COPB2: variants seen among roughly 807,000 people sequenced by gnomAD.
COPB2 encodes the protein coat protein complex I subunit beta 2, also known as coatomer subunit beta'.
In COPB2, 16 loss-of-function variants were observed where a neutral mutation model predicts 120.8. The observed-to-expected ratio is 0.13, with a 90% CI of 0.09 to 0.20. The LOEUF (loss-of-function observed/expected upper bound fraction) is 0.20. Ranked by LOEUF, COPB2 falls within the 10% of genes least tolerant of loss-of-function variation. COPB2 has a pLI of 1.00. For synonymous variants in COPB2, 332 were observed against 366.3 expected, an observed-to-expected ratio of 0.91 and a Z score of 1.07; for missense variants, 794 against 1,076.5, an observed-to-expected ratio of 0.74 and a Z score of 3.67.
chr3:139,374,580 T>C lies in COPB2; in HGVS notation c.660A>G (p.Thr220=), dbSNP rs1321689833. The change falls in exon 7 of 22, where the codon ACA becomes ACG. Residue 220 remains threonine (T), a synonymous_variant. Coordinates refer to ENST00000333188, the MANE Select transcript of COPB2 (RefSeq NM_004766.3). ...LVKIWDYQNK[T]CVQTLEGHAQ... ...CATGTCCTTCCAGTGTCTGCACACA[T>C]GTTTTATTCTGTAATTAAGACATAG... The C allele has an allele frequency of 3.7e-6, 6 of 1,612,502 alleles. No individual in the cohort carries two copies. Among genetic ancestry groups the C allele is most frequent in the Non-Finnish European group, 5.1e-6 (6 of 1,179,250 alleles).
At chr3:139,365,715 G>C (rs1209386632) in intron 15 of COPB2, among the ~76,000 whole-genome samples, 1 of 152,070 alleles carries the variant, frequency 6.6e-6, no homozygotes, top group Admixed American at 6.6e-5. Flanking sequence ...AACCAGCAAA[G>C]TCCAGGGAGA....
At position 139,378,053 on chromosome 3, in the gene COPB2, G is replaced by A. The variant is rs1297428610; in HGVS notation, c.492C>T (p.Asp164=). 1.3e-6 allele frequency: 2 copies of A among 1,567,492 alleles called. No homozygotes were observed. Among genetic ancestry groups the A allele is most frequent in the Admixed American group, 1.7e-5 (1 of 59,524 alleles). The change falls in exon 5 of 22, where the codon GAC becomes GAT. Residue 164 remains aspartate, a synonymous_variant. Transcript: ENST00000333188. Reference sequence around the variant, plus strand: ...GTGGATGCCCTACCTTGATAGTCCTGTCCAAAGAGGCACTGGCAAACTGAT... The same window carrying A: ...GTGGATGCCCTACCTTGATAGTCCTATCCAAAGAGGCACTGGCAAACTGAT... ...DNNQFASASL[D]RTIKVWQLGS...
At chr3:139,360,558 T>TA (rs1941399240) in intron 17 of COPB2, among the ~76,000 whole-genome samples, 1 of 152,112 alleles carries the variant, frequency 6.6e-6, no homozygotes, top group Non-Finnish European at 1.5e-5. Flanking sequence ...TTTTGTGTTT[T>TA]ATTTCATAAT....
In COPB2 at chr3:139,389,357, A is replaced by C. The variant is rs762309991; in HGVS notation, c.3+191T>G. 12 of 945,688 alleles carry C rather than the reference A, an allele frequency of 1.3e-5. No individual in the cohort carries two copies. The African/African-American group carries it at 1.4e-4, about 11-fold the overall frequency. The allele number at this position is 945,688 out of a possible 1,614,324, so 58.6% of individuals were successfully genotyped here. On this transcript the variant is annotated intron_variant, in intron 1 of 21. Coordinates refer to ENST00000333188, the MANE Select transcript of COPB2 (RefSeq NM_004766.3). ...CTCACTAGCAGGCTTTGCCTCCCCA[A>C]ATCACCCCGGTCCCCTAGGCCCCAC...
At chr3:139,377,738 A>C (rs1402547870) in intron 5 of COPB2, among the ~76,000 whole-genome samples, 1 of 152,262 alleles carries the variant, frequency 6.6e-6, no homozygotes, top group African/African-American at 2.4e-5. Flanking sequence ...AGGAGAGGAC[A>C]GTAGTATCCT....
intron 17 of COPB2, 28 bp from the exon 18 acceptor site, chr3:139,359,390 T>TA (rs1941367497): frequency 1.9e-6 from 3 of 1,598,528 alleles, no homozygotes; most frequent in Non-Finnish European, 2.6e-6. Context: ...GAGGTACTGT[T>TA]ACCAAGAATA....
chr3:139,359,369 A>G lies in COPB2; in HGVS notation c.2211-7T>C, dbSNP rs368877728. On this transcript the variant is annotated splice_polypyrimidine_tract_variant and splice_region_variant and intron_variant, in intron 17 of 21. Transcript: ENST00000333188. ...CTCTAGGCAGGCATCAACCCTAAAC[A>G]TTAAAAAGGAGAGGTACTGTTACCA... 9 of 1,610,756 alleles carry G rather than the reference A, an allele frequency of 5.6e-6. No homozygotes were observed. Among genetic ancestry groups the G allele is most frequent in the African/African-American group, 4.0e-5 (3 of 74,838 alleles).
At chr3:139,370,105 G>A (rs747459472) in intron 10 of COPB2, among the ~76,000 whole-genome samples, 8 of 152,134 alleles carry the variant, frequency 5.3e-5, no homozygotes, top group Admixed American at 6.5e-5. Context: ...GGGATTTTGC[G>A]GGGATGATAG....
Position 139,369,289 on chromosome 3 carries a change from A to G in COPB2, c.1373T>C (p.Ile458Thr), listed in dbSNP as rs1469576869. 1.2e-5 allele frequency: 19 copies of G among 1,609,854 alleles called. No individual in the cohort carries two copies. Among genetic ancestry groups the G allele is most frequent in the Non-Finnish European group, 1.5e-5 (18 of 1,177,996 alleles). ...TTTGGGCTGAATTTCAATTCTTCGT[A>G]TGAGTTCTGTATTGTCCCAGTCATA... ...AFYDWDNTEL[I>T]RRIEIQPKHI... The change falls in exon 12 of 22, where the codon ATA (isoleucine) becomes ACA (threonine). Residue 458 changes from isoleucine to threonine, a missense_variant. Coordinates refer to ENST00000333188, the MANE Select transcript of COPB2 (RefSeq NM_004766.3).
chr3:139,361,409 G>A, intron 16 of COPB2, 114 bp from the exon 17 acceptor site: 1 of 1,041,528 alleles, frequency 9.6e-7, no homozygotes, highest in Non-Finnish European at 1.4e-6. Flanking sequence ...TGTTTGTTAA[G>A]TTGGCTCTAT....
chr3:139,377,966 C>T, intron 5 of COPB2, 75 bp downstream of exon 5: 7 of 1,331,226 alleles, frequency 5.3e-6, no homozygotes, highest in Non-Finnish European at 5.9e-6. Context: ...CATTTCTGAC[C>T]AGTCAACAGT....
At position 139,379,105 on chromosome 3, in the gene COPB2, T is replaced by C; in HGVS notation, c.297A>G (p.Ser99=). The part of the protein sequence containing the change: ...LERVHMFEAH[S]DYIRCIAVHP... ...GAACAGCAATACAGCGAATGTAGTC[T>C]GAGTGTGCTTCAAACATATGAACTC... Residue 99 remains serine, a synonymous_variant, in exon 4 of 22, where the codon TCA becomes TCG. Transcript: ENST00000333188. 1.2e-6 allele frequency: 2 copies of C among 1,613,016 alleles called. No homozygotes were observed. The highest frequency in any genetic ancestry group is 2.2e-5 in the South Asian group (2 of 90,786).
intron 15 of COPB2, 60 bp from the exon 16 acceptor site, chr3:139,362,577 TA>T: frequency 1.2e-5 from 8 of 680,946 alleles, no homozygotes; most frequent in South Asian, 4.5e-5. Flanking sequence ...GTATGTTTTA[TA>T]TATATATATA....
Position 139,358,791 on chromosome 3 carries a change from T to C in COPB2, c.2506A>G (p.Met836Val). 2 of 1,613,036 alleles carry C rather than the reference T, an allele frequency of 1.2e-6. No individual in the cohort carries two copies. The highest frequency in any genetic ancestry group is 8.5e-7 in the Non-Finnish European group (1 of 1,179,084). Residue 836 changes from methionine (M) to valine (V), a missense_variant, in exon 20 of 22, where the codon ATG becomes GTG. This residue lies in a region of COPB2 where 178 missense variants were observed against 183.2 expected (regional missense o/e 0.97). Transcript: ENST00000333188. ...GGCTGAAAGTCTTTTCCCTCTTCCA[T>C]GACATTTCTCTCTTCATTTGGCTAT... ...LVTPNEERNV[M>V]EEGKDFQPSR... is the part of the protein sequence containing the mutation.
intron 15 of COPB2, among the ~76,000 whole-genome samples, chr3:139,364,143 A>G (rs1021380945): frequency 1.3e-5 from 2 of 152,212 alleles, no homozygotes; most frequent in Non-Finnish European, 2.9e-5. Context: ...GAATATAAAC[A>G]TTTTGTTAAA....
chr3:139,379,120 C>G lies in COPB2; in HGVS notation c.282G>C (p.Met94Ile), dbSNP rs760677360. ...GAATGTAGTCTGAGTGTGCTTCAAACATATGAACTCTCTCCAGAGTATTGT... is the reference window on the plus strand; with the variant it reads ...GAATGTAGTCTGAGTGTGCTTCAAAGATATGAACTCTCTCCAGAGTATTGT... ...FNYNTLERVH[M>I]FEAHSDYIRC... The change falls in exon 4 of 22, where the codon ATG becomes ATC. Residue 94 changes from methionine (M) to isoleucine (I), a missense_variant. By Grantham distance (10) the Met-to-Ile change is conservative. Around this residue, in one of 3 missense-constraint regions of COPB2, gnomAD observed 610 missense variants for 866.7 expected, o/e 0.70. Transcript: ENST00000333188. 21 of 1,612,312 alleles carry G rather than the reference C, an allele frequency of 1.3e-5. 1 individual carries two copies. The Middle Eastern group carries it at 1.5e-3, about 114-fold the overall frequency.
chr3:139,370,998 G>A (rs1049989524), intron 10 of COPB2, among the ~76,000 whole-genome samples: 1 of 152,180 alleles, frequency 6.6e-6, no homozygotes. Flanking sequence ...TTACCCCACT[G>A]TTGGGGGCAA....
rs1941657000 is a variant in COPB2 at position 139,373,375 on chromosome 3, T to C, written c.932A>G (p.Asn311Ser). Residue 311 changes from asparagine to serine, a missense_variant, in exon 9 of 22, where the codon AAT becomes AGT. By Grantham distance (46) the Asn-to-Ser change is conservative (BLOSUM62 1). Coordinates refer to ENST00000333188, the MANE Select transcript of COPB2 (RefSeq NM_004766.3). ...ATGCTTGGCCCAAATTATCTTTCCA[T>C]TGGCATCCATGGACATGGCAGGTTC... ...REEPAMSMDANGKIIWAKHSE... is the reference protein window; with the variant it reads ...REEPAMSMDASGKIIWAKHSE... The C allele has an allele frequency of 6.2e-7, 1 of 1,614,156 alleles. No homozygotes were observed. The highest frequency in any genetic ancestry group is 8.5e-7 in the Non-Finnish European group (1 of 1,180,028).
intron 15 of COPB2, among the ~76,000 whole-genome samples, chr3:139,364,474 A>C (rs2107798855): frequency 6.6e-6 from 1 of 152,318 alleles, no homozygotes; most frequent in Middle Eastern, 3.4e-3. Context: ...ACACAGACTC[A>C]ATGAAATATT....
Sources: gnomAD v4.1 joint callset for allele counts (sites outside exome capture counted in the v4.1 genomes callset) on GRCh38, gnomAD v4.1.1 for gene constraint, gnomAD v4.1.1 regional missense constraint, MANE v1.5 for transcripts, NCBI Gene and HGNC (gene_info 2026-07-23, HGNC 2026-07-21) for gene names.